LOC128031835: variants seen among roughly 807,000 people sequenced by gnomAD.
At chr6:53,065,661 A>G in the LOC128031835 span, 1 of 1,152,598 alleles carries the variant, frequency 8.7e-7, no homozygotes, top group Non-Finnish European at 1.1e-6. Flanking sequence ...TCTCCGACCG[A>G]GAACTCTGCT....
the LOC128031835 span, chr6:53,065,648 G>A: frequency 9.8e-7 from 1 of 1,016,174 alleles, no homozygotes; most frequent in Non-Finnish European, 1.3e-6. Context: ...TGCCTGGTGC[G>A]CTTCTCCGAC....
At chr6:53,065,668 T>C in the LOC128031835 span, 1 of 1,234,206 alleles carries the variant, frequency 8.1e-7, no homozygotes, top group South Asian at 1.9e-5. Flanking sequence ...CCGAGAACTC[T>C]GCTAAGCTCC....
the LOC128031835 span, chr6:53,065,671 T>C: frequency 8.0e-7 from 1 of 1,251,018 alleles, no homozygotes; most frequent in Non-Finnish European, 1.0e-6. Flanking sequence ...AGAACTCTGC[T>C]AAGCTCCGCT....
the LOC128031835 span, chr6:53,065,638 T>C: frequency 1.1e-6 from 1 of 930,640 alleles, no homozygotes; most frequent in Non-Finnish European, 1.4e-6. Context: ...TTATTGCCGC[T>C]GCCTGGTGCG....
the LOC128031835 span, chr6:53,065,653 T>C: frequency 9.2e-7 from 1 of 1,083,644 alleles, no homozygotes. Context: ...GGTGCGCTTC[T>C]CCGACCGAGA....
the LOC128031835 span, chr6:53,065,639 G>A: frequency 3.2e-6 from 3 of 934,656 alleles, no homozygotes; most frequent in South Asian, 3.3e-5. Context: ...TATTGCCGCT[G>A]CCTGGTGCGC....
At chr6:53,065,666 T>C in the LOC128031835 span, 1 of 1,195,392 alleles carries the variant, frequency 8.4e-7, no homozygotes, top group Non-Finnish European at 1.1e-6. Flanking sequence ...GACCGAGAAC[T>C]CTGCTAAGCT....
chr6:53,065,635 C>T, the LOC128031835 span: 26 of 908,538 alleles, frequency 2.9e-5, no homozygotes, highest in South Asian at 2.4e-4. Flanking sequence ...CAGTTATTGC[C>T]GCTGCCTGGT....
the LOC128031835 span, chr6:53,065,617 C>A: frequency 2.7e-6 from 2 of 745,876 alleles, no homozygotes; most frequent in Non-Finnish European, 3.7e-6. Flanking sequence ...TGCCGTACGC[C>A]GGGCCCGCAG....
the LOC128031835 span, chr6:53,065,640 C>T: frequency 1.1e-6 from 1 of 939,736 alleles, no homozygotes. Context: ...ATTGCCGCTG[C>T]CTGGTGCGCT....
the LOC128031835 span, chr6:53,065,659 C>T: frequency 8.7e-7 from 1 of 1,145,122 alleles, no homozygotes; most frequent in Non-Finnish European, 1.1e-6. Flanking sequence ...CTTCTCCGAC[C>T]GAGAACTCTG....
the LOC128031835 span, chr6:53,065,664 A>T: frequency 1.7e-6 from 2 of 1,165,900 alleles, no homozygotes; most frequent in South Asian, 2.2e-5. Context: ...CCGACCGAGA[A>T]CTCTGCTAAG....
the LOC128031835 span, chr6:53,065,633 G>C: frequency 1.0e-5 from 9 of 893,488 alleles, no homozygotes; most frequent in African/African-American, 1.7e-5. Flanking sequence ...CGCAGTTATT[G>C]CCGCTGCCTG....
At chr6:53,065,642 TG>T in the LOC128031835 span, 1 of 956,434 alleles carries the variant, frequency 1.0e-6, no homozygotes. Flanking sequence ...TGCCGCTGCC[TG>T]GTGCGCTTCT....
At chr6:53,065,618 G>C in the LOC128031835 span, 1 of 751,676 alleles carries the variant, frequency 1.3e-6, no homozygotes, top group Non-Finnish European at 1.9e-6. Flanking sequence ...GCCGTACGCC[G>C]GGCCCGCAGT....
the LOC128031835 span, chr6:53,065,647 C>A: frequency 1.0e-6 from 1 of 996,280 alleles, no homozygotes; most frequent in Non-Finnish European, 1.3e-6. Context: ...CTGCCTGGTG[C>A]GCTTCTCCGA....
chr6:53,065,605 G>T, the LOC128031835 span: 1 of 664,726 alleles, frequency 1.5e-6, no homozygotes, highest in Non-Finnish European at 2.2e-6. Flanking sequence ...CGCGAAGATG[G>T]CTGCCGTACG....
the LOC128031835 span, chr6:53,065,610 C>G: frequency 1.4e-6 from 1 of 697,406 alleles, no homozygotes. Flanking sequence ...AGATGGCTGC[C>G]GTACGCCGGG....
the LOC128031835 span, chr6:53,065,631 T>C: frequency 1.8e-5 from 16 of 871,800 alleles, no homozygotes; most frequent in Non-Finnish European, 2.5e-5. Context: ...CCCGCAGTTA[T>C]TGCCGCTGCC....
Sources: gnomAD v4.1 joint callset for allele counts on GRCh38, gnomAD v4.1.1 for gene constraint, MANE v1.5 for transcripts.